The following PCDH15 variants were observed in gnomAD, a reference collection of about 807,000 sequenced individuals.
The protein encoded by PCDH15 is protocadherin-15.
Under a neutral mutation model 178.5 loss-of-function variants are expected in PCDH15, and 129 were observed. That is an observed-to-expected ratio of 0.72 (90% CI 0.63 to 0.84). The LOEUF (loss-of-function observed/expected upper bound fraction) is 0.84, where lower values mean the gene tolerates loss of function less well. PCDH15 is among the 40% of genes least tolerant of loss of function. The probability of loss-of-function intolerance (pLI) is 0.00; values close to 1 mark genes in which losing one functional copy is unlikely to be tolerated. For synonymous variants in PCDH15, 800 were observed against 732.0 expected, an observed-to-expected ratio of 1.09 and a Z score of -1.50; for missense variants, 2,230 against 2,099.9, an observed-to-expected ratio of 1.06 and a Z score of -1.21.
chr10:53,857,678 A>G (rs2078846080), intron 27 of PCDH15, among the ~76,000 whole-genome samples: 1 of 152,240 alleles, frequency 6.6e-6, no homozygotes, highest in East Asian at 1.9e-4. Flanking sequence ...AATCTGAGAT[A>G]TGACTGGTTA....
intron 28 of PCDH15, among the ~76,000 whole-genome samples, chr10:53,852,283 A>T (rs1465412278): frequency 6.6e-6 from 1 of 152,106 alleles, no homozygotes; most frequent in Non-Finnish European, 1.5e-5. Context: ...CTTAATTTAA[A>T]AAAAAGTAAT....
chr10:55,522,840 A>G (rs574749576), intron 2 of PCDH15, among the ~76,000 whole-genome samples: 1 of 151,488 alleles, frequency 6.6e-6, no homozygotes, highest in African/African-American at 2.4e-5. Flanking sequence ...TATGATTACT[A>G]TTTTGTTCAT....
intron 2 of PCDH15, among the ~76,000 whole-genome samples, chr10:55,619,617 T>C (rs112265754): frequency 3.5e-4 from 53 of 152,164 alleles, no homozygotes; most frequent in African/African-American, 1.1e-3. Flanking sequence ...AGTTAATAAA[T>C]GTAATGTACT....
chr10:54,511,142 T>C (rs2081614196), intron 3 of PCDH15, among the ~76,000 whole-genome samples: 1 of 152,206 alleles, frequency 6.6e-6, no homozygotes, highest in African/African-American at 2.4e-5. Flanking sequence ...AGTGAAACCA[T>C]ATTTTTAAGA....
chr10:55,354,870 C>T (rs149292020), intron 2 of PCDH15, among the ~76,000 whole-genome samples: 5 of 152,112 alleles, frequency 3.3e-5, no homozygotes, highest in East Asian at 1.9e-4. Context: ...AATTCTATCA[C>T]GGAAAAAATC....
intron 8 of PCDH15, among the ~76,000 whole-genome samples, chr10:54,315,223 G>C (rs1291933957): frequency 6.6e-6 from 1 of 152,112 alleles, no homozygotes; most frequent in Non-Finnish European, 1.5e-5. Flanking sequence ...TTTAATAATA[G>C]TCATTTTGAC....
chr10:54,893,772 T>C (rs767350681), intron 3 of PCDH15, among the ~76,000 whole-genome samples: 7 of 152,248 alleles, frequency 4.6e-5, no homozygotes, highest in African/African-American at 1.2e-4. Flanking sequence ...AAAACTGTTA[T>C]AGAATTTCTG....
chr10:54,871,257 A>G (rs1954034187), intron 3 of PCDH15, among the ~76,000 whole-genome samples: 1 of 152,148 alleles, frequency 6.6e-6, no homozygotes. Context: ...AAAAACTGCT[A>G]TTTCTGAATA....
At chr10:55,381,740 C>T (rs1837538063) in intron 2 of PCDH15, among the ~76,000 whole-genome samples, 2 of 151,934 alleles carry the variant, frequency 1.3e-5, no homozygotes, top group African/African-American at 2.4e-5. Flanking sequence ...TGGTATTGCC[C>T]CTGTGGTGAA....
chr10:55,284,153 C>T (rs1367055619), intron 1 of PCDH15, among the ~76,000 whole-genome samples: 1 of 152,054 alleles, frequency 6.6e-6, no homozygotes, highest in African/African-American at 2.4e-5. Context: ...GAAAACATTT[C>T]GTTCTTTTGT....
At chr10:54,870,607 A>T (rs1954018714) in intron 3 of PCDH15, among the ~76,000 whole-genome samples, 1 of 151,916 alleles carries the variant, frequency 6.6e-6, no homozygotes, top group Non-Finnish European at 1.5e-5. Flanking sequence ...AACACGGTGA[A>T]AACCCGTCTC....
intron 8 of PCDH15, among the ~76,000 whole-genome samples, chr10:54,298,501 A>G (rs2059936712): frequency 6.6e-6 from 1 of 152,190 alleles, no homozygotes; most frequent in Non-Finnish European, 1.5e-5. Context: ...GCTTGTTACC[A>G]GTGTGGCTTG....
chr10:55,011,052 A>G (rs1036187683), intron 2 of PCDH15, among the ~76,000 whole-genome samples: 2 of 152,158 alleles, frequency 1.3e-5, no homozygotes, highest in Admixed American at 1.3e-4. Context: ...TAACTGAAAG[A>G]GGATAAAAAT....
chr10:55,021,312 G>T (rs1228022676), intron 2 of PCDH15, among the ~76,000 whole-genome samples: 1 of 152,140 alleles, frequency 6.6e-6, no homozygotes, highest in African/African-American at 2.4e-5. Context: ...GGGACATTTA[G>T]AACCTCACAA....
chr10:55,238,915 T>A (rs1273158257), intron 1 of PCDH15, among the ~76,000 whole-genome samples: 2 of 152,162 alleles, frequency 1.3e-5, no homozygotes, highest in African/African-American at 4.8e-5. Context: ...TTAGTTATTT[T>A]AAAATATACA....
chr10:54,915,413 A>T (rs931746217), intron 2 of PCDH15, among the ~76,000 whole-genome samples: 2 of 152,232 alleles, frequency 1.3e-5, no homozygotes, highest in African/African-American at 4.8e-5. Flanking sequence ...ATGAGATAGA[A>T]GAGGGCTTTC....
At chr10:54,380,410 GTA>G (rs1455101530) in intron 3 of PCDH15, among the ~76,000 whole-genome samples, 1 of 151,188 alleles carries the variant, frequency 6.6e-6, no homozygotes, top group Non-Finnish European at 1.5e-5. Flanking sequence ...GTTCAAGAAT[GTA>G]TATATATTCA....
chr10:55,522,027 G>A (rs1233521040), intron 2 of PCDH15, among the ~76,000 whole-genome samples: 1 of 151,840 alleles, frequency 6.6e-6, no homozygotes, highest in Non-Finnish European at 1.5e-5. Flanking sequence ...AAAATTATAA[G>A]TTGAACCATC....
At chr10:54,522,672 C>G (rs1342405047) in intron 3 of PCDH15, among the ~76,000 whole-genome samples, 2 of 152,132 alleles carry the variant, frequency 1.3e-5, no homozygotes, top group Non-Finnish European at 2.9e-5. Context: ...GATGCATCGC[C>G]AGTACCAGAA....
Sources: gnomAD v4.1 joint callset for allele counts (sites outside exome capture counted in the v4.1 genomes callset) on GRCh38, gnomAD v4.1.1 for gene constraint, MANE v1.5 for transcripts, NCBI Gene and HGNC (gene_info 2026-07-23, HGNC 2026-07-21) for gene names.